CASZ1: variants seen among roughly 807,000 people sequenced by gnomAD.
The protein encoded by CASZ1 is zinc finger protein castor homolog 1.
A neutral mutation model predicts 135.2 loss-of-function variants in CASZ1; 28 were observed. The observed-to-expected ratio is 0.21, with a 90% confidence interval of 0.15 to 0.28. CASZ1 has a LOEUF of 0.28. CASZ1 is among the 10% of genes least tolerant of loss of function. CASZ1 has a pLI of 1.00. For synonymous variants in CASZ1, 1,068 were observed against 1,073.4 expected (o/e 0.99, Z 0.10); for missense variants, 2,161 against 2,453.3 (o/e 0.88, Z 2.52).
intron 2 of CASZ1, among the ~76,000 whole-genome samples, chr1:10,713,416 A>G (rs1324752170): frequency 6.6e-6 from 1 of 152,216 alleles, no homozygotes; most frequent in African/African-American, 2.4e-5. Flanking sequence ...GCTCTCTGCC[A>G]TGAGAGCCTA....
chr1:10,713,055 T>A (rs1370949478), intron 2 of CASZ1, among the ~76,000 whole-genome samples: 2 of 152,212 alleles, frequency 1.3e-5, no homozygotes, highest in Admixed American at 1.3e-4. Flanking sequence ...TGTTCCAGAA[T>A]GCGTGTACAT....
intron 17 of CASZ1, among the ~76,000 whole-genome samples, chr1:10,645,379 A>T (rs1385774755): frequency 3.9e-5 from 6 of 152,094 alleles, no homozygotes; most frequent in African/African-American, 1.4e-4. Flanking sequence ...AAATACAAAA[A>T]ATTAGCCGGG....
chr1:10,794,348 CT>C lies in CASZ1; in HGVS notation c.-234+2215del, dbSNP rs1245871031. Among the ~76,000 whole-genome samples, 4 of 152,158 alleles carry C rather than the reference CT, an allele frequency of 2.6e-5. No homozygotes were observed. The highest frequency in any genetic ancestry group is 9.7e-5 in the African/African-American group (4 of 41,434). ...AACTTTGCCCCGCGACTACCAGGGC[CT>C]TTTCCCCCTCGCCACCCCCTGAGTG... On this transcript the variant is annotated intron_variant, in intron 1 of 20. Coordinates refer to ENST00000377022, the MANE Select transcript of CASZ1 (RefSeq NM_001079843.3). This position sits in a 1 kb window ranked among gnomAD's most constrained non-coding sequence, Gnocchi z 5.6.
chr1:10,672,264 C>T (rs1334185655), intron 4 of CASZ1, among the ~76,000 whole-genome samples: 1 of 134,562 alleles, frequency 7.4e-6, no homozygotes, highest in Non-Finnish European at 1.6e-5. Context: ...TGCCATAACT[C>T]AGCCGCCCGG....
Position 10,694,804 on chromosome 1 carries a change from A to C in CASZ1, c.-23-892T>G, listed in dbSNP as rs1638888819. Among the ~76,000 whole-genome samples, 1 of 143,946 alleles carries C rather than the reference A, an allele frequency of 6.9e-6. No individual in the cohort carries two copies. The highest frequency in any genetic ancestry group is 6.8e-5 in the Admixed American group (1 of 14,604). The allele number at this position is 143,946 out of a possible 152,430, so 94.4% of individuals were successfully genotyped here. A position where few individuals can be genotyped will look rare whatever the true frequency, so the allele number is the denominator to read the frequency against. On this transcript the variant is annotated intron_variant, in intron 3 of 20. Coordinates refer to ENST00000377022, the MANE Select transcript of CASZ1 (RefSeq NM_001079843.3). This position sits in a 1 kb window ranked among gnomAD's most constrained non-coding sequence, Gnocchi z 6.6. ...GAGGAGGAGGCGGGGACTTGCGCTC[A>C]GGGCTGGCGGGAGGGGACCCGGCGC... is the stretch of plus-strand genomic sequence containing the variant.
In CASZ1 at chr1:10,638,165, CT is replaced by C. The variant is rs546022463; in HGVS notation, c.*776del. 32 of 152,556 alleles carry C rather than the reference CT, an allele frequency of 2.1e-4. No individual in the cohort carries two copies. The highest frequency in any genetic ancestry group is 7.7e-4 in the African/African-American group (32 of 41,586). 9.5% of individuals were successfully genotyped at this position (152,556 alleles called of 1,614,324 possible). On this transcript the variant is annotated 3_prime_UTR_variant, in exon 21 of 21. Transcript: ENST00000377022. This position sits in a 1 kb window ranked among gnomAD's most constrained non-coding sequence, Gnocchi z 5.9. ...CCTTTACAGGAAAAATACTGTACAA[CT>C]TTCTTGTATTTTTTTCCATTTTGAA...
Position 10,774,016 on chromosome 1 carries a change from C to T in CASZ1, c.-233-13159G>A, listed in dbSNP as rs1640619060. On this transcript the variant is annotated intron_variant, in intron 1 of 20. Transcript: ENST00000377022. This position sits in a 1 kb window ranked among gnomAD's most constrained non-coding sequence, Gnocchi z 4.4. ...CCCTGTGGTGGTCCGGAGCAAACCT[C>T]CTTAACTCTGATCCCAGCACAGAGG... 6.6e-6 allele frequency among the ~76,000 whole-genome samples: 1 copy of T among 152,182 alleles called. No individual in the cohort carries two copies. Among genetic ancestry groups the T allele is most frequent in the African/African-American group, 2.4e-5 (1 of 41,456 alleles).
chr1:10,751,617 G>A (rs1330394108), intron 2 of CASZ1, among the ~76,000 whole-genome samples: 1 of 152,216 alleles, frequency 6.6e-6, no homozygotes, highest in Non-Finnish European at 1.5e-5. Flanking sequence ...GCAGGAGCTG[G>A]CTCGAGAAAC....
chr1:10,783,625 C>T (rs986585146), intron 1 of CASZ1, among the ~76,000 whole-genome samples: 7 of 152,022 alleles, frequency 4.6e-5, no homozygotes, highest in South Asian at 4.2e-4. Flanking sequence ...GTAATCCCAG[C>T]GCTTTGGGAG....
At chr1:10,644,495 T>G (rs945702837) in intron 18 of CASZ1, among the ~76,000 whole-genome samples, 3 of 152,070 alleles carry the variant, frequency 2.0e-5, no homozygotes, top group African/African-American at 7.2e-5. Context: ...AATGGATGAA[T>G]GGAAGAACAA....
rs1376022814 is a variant in CASZ1 at position 10,694,921 on chromosome 1, A to C, written c.-23-1009T>G. Among the ~76,000 whole-genome samples the C allele has an allele frequency of 1.4e-5, 2 of 141,626 alleles. No individual in the cohort carries two copies. Among genetic ancestry groups the C allele is most frequent in the African/African-American group, 2.5e-5 (1 of 39,318 alleles). 92.9% of individuals were successfully genotyped at this position (141,626 alleles called of 152,430 possible). A position where few individuals can be genotyped will look rare whatever the true frequency, so the allele number is the denominator to read the frequency against. On this transcript the variant is annotated intron_variant, in intron 3 of 20. Coordinates refer to ENST00000377022, the MANE Select transcript of CASZ1 (RefSeq NM_001079843.3). This position sits in a 1 kb window ranked among gnomAD's most constrained non-coding sequence, Gnocchi z 6.6. The stretch of plus-strand genomic sequence containing the variant: ...GCCGCGCGCGCGCTCGCATGCTGCC[A>C]GCGGCCGCTCGGGCCCCGCGAGCGC...
chr1:10,656,807 C>T, intron 7 of CASZ1, 71 bp from the exon 8 acceptor site: 1 of 1,032,246 alleles, frequency 9.7e-7, no homozygotes, highest in African/African-American at 1.6e-5. Context: ...CAGCCCCAGC[C>T]CCAGGGAGGA....
intron 4 of CASZ1, among the ~76,000 whole-genome samples, chr1:10,668,935 G>A (rs565986758): frequency 6.6e-6 from 1 of 152,242 alleles, no homozygotes; most frequent in African/African-American, 2.4e-5. Context: ...AGAGGCAGGG[G>A]ACAGAGAAGA....
chr1:10,756,749 G>A lies in CASZ1; in HGVS notation c.-77+3952C>T, dbSNP rs1157846697. ...CGACACTATTAGGATCCCTGCCGATGAGCAGATGAGCAGCGGCTGGAGGCT... is the reference window on the plus strand; with the variant it reads ...CGACACTATTAGGATCCCTGCCGATAAGCAGATGAGCAGCGGCTGGAGGCT... On this transcript the variant is annotated intron_variant, in intron 2 of 20. Transcript: ENST00000377022. The surrounding 1 kb of genome is among the most constrained non-coding windows in gnomAD (Gnocchi z 5.9). Among the ~76,000 whole-genome samples, 1 of 152,216 alleles carries A rather than the reference G, an allele frequency of 6.6e-6. No individual in the cohort carries two copies. The highest frequency in any genetic ancestry group is 1.9e-4 in the East Asian group (1 of 5,192).
Position 10,679,190 on chromosome 1 carries a change from G to T in CASZ1, c.17-13619C>A, listed in dbSNP as rs2100351474. Among the ~76,000 whole-genome samples the T allele has an allele frequency of 6.6e-6, 1 of 152,346 alleles. No homozygotes were observed. The highest frequency in any genetic ancestry group is 2.1e-4 in the South Asian group (1 of 4,830). ...ACAGAGCTCTCCGCCAGGGCCTGCT[G>T]CTTTTGATGAAAGCATAGGCTGATC... On this transcript the variant is annotated intron_variant, in intron 4 of 20. Coordinates refer to ENST00000377022, the MANE Select transcript of CASZ1 (RefSeq NM_001079843.3). The surrounding 1 kb of genome is among the most constrained non-coding windows in gnomAD (Gnocchi z 4.7).
At chr1:10,687,265 C>T (rs1638625320) in intron 4 of CASZ1, among the ~76,000 whole-genome samples, 1 of 152,250 alleles carries the variant, frequency 6.6e-6, no homozygotes. Flanking sequence ...TCTGGAAACA[C>T]AACATGTGTC....
At position 10,647,868 on chromosome 1, in the gene CASZ1, A is replaced by G; in HGVS notation, c.3430T>C (p.Leu1144=). Reference sequence around the variant, plus strand: ...GCGTTCTCTAGAGAAGTCGTTGCCAAGGGCGAGGCGGGCAGGTGAGGCACT... The same window carrying G: ...GCGTTCTCTAGAGAAGTCGTTGCCAGGGGCGAGGCGGGCAGGTGAGGCACT... ...ASVPHLPASP[L]ATTSLENAKP... Residue 1144 remains leucine, a synonymous_variant, in exon 16 of 21, where the codon TTG becomes CTG. Coordinates refer to ENST00000377022, the MANE Select transcript of CASZ1 (RefSeq NM_001079843.3). The surrounding 1 kb of genome is among the most constrained non-coding windows in gnomAD (Gnocchi z 4.9). The G allele has an allele frequency of 6.2e-7, 1 of 1,613,790 alleles. No individual in the cohort carries two copies. The highest frequency in any genetic ancestry group is 1.1e-5 in the South Asian group (1 of 91,074).
intron 1 of CASZ1, among the ~76,000 whole-genome samples, chr1:10,792,365 A>G (rs1640977471): frequency 9.3e-6 from 1 of 106,968 alleles, no homozygotes; most frequent in African/African-American, 3.6e-5. Flanking sequence ...AGTAAATGGA[A>G]ATGTGGAGGG....
At chr1:10,672,496 C>T (rs1308262315) in intron 4 of CASZ1, among the ~76,000 whole-genome samples, 1 of 150,394 alleles carries the variant, frequency 6.6e-6, no homozygotes, top group Non-Finnish European at 1.5e-5. Context: ...GCCCGCCCCC[C>T]TCCCCGGGCC....
Sources: gnomAD v4.1 joint callset for allele counts (sites outside exome capture counted in the v4.1 genomes callset) on GRCh38, gnomAD v4.1.1 for gene constraint, Gnocchi (gnomAD v3.1) non-coding constraint, MANE v1.5 for transcripts, NCBI Gene and HGNC (gene_info 2026-07-23, HGNC 2026-07-21) for gene names.